TLE1: variants seen among roughly 807,000 people sequenced by gnomAD.
TLE1 encodes the protein TLE family member 1, transcriptional corepressor, also known as transducin-like enhancer protein 1.
A neutral mutation model predicts 89.8 loss-of-function variants in TLE1; 21 were observed. The observed-to-expected ratio is 0.23, with a 90% CI of 0.17 to 0.34. The LOEUF (loss-of-function observed/expected upper bound fraction) is 0.34. Ranked by LOEUF, TLE1 falls within the 10% of genes least tolerant of loss-of-function variation. TLE1 has a pLI of 1.00. For missense variants in TLE1, 795 were observed against 1,031.2 expected, an observed-to-expected ratio of 0.77 and a Z score of 3.14; for synonymous variants, 447 against 407.6, an observed-to-expected ratio of 1.10 and a Z score of -1.16.
Position 81,688,242 on chromosome 9 carries a change from G to C in TLE1, c.-2C>G. ...CGGGTGCCGGCTCTGCGGGAACATC[G>C]CTCTGGCGGCGGCCGGGGCTCTGTT... On this transcript the variant is annotated 5_prime_UTR_variant, in exon 1 of 20. Transcript: ENST00000376499. 1 of 1,586,980 alleles carries C rather than the reference G, an allele frequency of 6.3e-7. No homozygotes were observed. The highest frequency in any genetic ancestry group is 1.4e-5 in the African/African-American group (1 of 72,522).
At chr9:81,589,242 T>A (rs1408917540) in intron 16 of TLE1, among the ~76,000 whole-genome samples, 2 of 152,154 alleles carry the variant, frequency 1.3e-5, no homozygotes, top group Non-Finnish European at 2.9e-5. Context: ...TGAAACGCTG[T>A]TCCTCCTTGA....
intron 6 of TLE1, among the ~76,000 whole-genome samples, chr9:81,644,800 C>T (rs1828616602): frequency 6.6e-6 from 1 of 151,436 alleles, no homozygotes; most frequent in Admixed American, 6.6e-5. Context: ...TTGAGAACAG[C>T]CTGGCCAATA....
At chr9:81,652,395 G>A (rs942764199) in intron 5 of TLE1, 107 bp from the exon 6 acceptor site, 3 of 810,908 alleles carry the variant, frequency 3.7e-6, no homozygotes, top group Non-Finnish European at 5.9e-6. Flanking sequence ...TGAAGTAGAA[G>A]GGTTTAAATG....
intron 16 of TLE1, 80 bp from the exon 17 acceptor site, chr9:81,587,908 G>GTGTGTGTGTGTGTGTGTGTGATCCCGCC: frequency 1.7e-6 from 1 of 601,576 alleles, no homozygotes; most frequent in South Asian, 2.7e-5. Flanking sequence ...GTTTTGGACC[G>GTGTGTGTGTGTGTGTGTGTGATCCCGCC]TGTGTGTGTG....
At chr9:81,679,484 G>A (rs934647782) in intron 4 of TLE1, among the ~76,000 whole-genome samples, 3 of 151,720 alleles carry the variant, frequency 2.0e-5, no homozygotes, top group African/African-American at 7.3e-5. Context: ...TCACTTTTCA[G>A]ATCAAACCAC....
At chr9:81,617,701 C>CA (rs1038676726) in intron 9 of TLE1, among the ~76,000 whole-genome samples, 2 of 151,776 alleles carry the variant, frequency 1.3e-5, no homozygotes, top group Non-Finnish European at 2.9e-5. Flanking sequence ...GACTCTGTCA[C>CA]AAAAAAATAA....
rs548660597 is a variant in TLE1 at position 81,679,792 on chromosome 9, T to C, written c.234+5884A>G. On this transcript the variant is annotated intron_variant, in intron 4 of 19. Coordinates refer to ENST00000376499, the MANE Select transcript of TLE1 (RefSeq NM_005077.5). ...GGAGGGGAGAGGGTAGGAAACGAAA[T>C]CAATCAAAGCTTTGAGGAAAGCCAG... Among the ~76,000 whole-genome samples the C allele has an allele frequency of 1.2e-4, 19 of 152,210 alleles. No homozygotes were observed. The East Asian group carries it at 2.7e-3, about 22-fold the overall frequency.
chr9:81,636,635 C>A (rs1827398440), intron 6 of TLE1, among the ~76,000 whole-genome samples: 3 of 152,138 alleles, frequency 2.0e-5, no homozygotes, highest in Admixed American at 2.0e-4. Flanking sequence ...AGAATGGAGT[C>A]ACCAGAAGAT....
intron 7 of TLE1, 66 bp from the exon 8 acceptor site, chr9:81,633,430 TA>T (rs200133937): frequency 3.2e-5 from 51 of 1,599,170 alleles, no homozygotes; most frequent in Admixed American, 1.8e-4. Flanking sequence ...AGAACAGAAA[TA>T]AAAAAAAGGG....
At chr9:81,659,190 G>C (rs1384681787) in intron 4 of TLE1, among the ~76,000 whole-genome samples, 1 of 152,132 alleles carries the variant, frequency 6.6e-6, no homozygotes, top group Non-Finnish European at 1.5e-5. Context: ...TTACAGGCGT[G>C]AGCCACCGCG....
intron 8 of TLE1, among the ~76,000 whole-genome samples, chr9:81,622,571 T>C (rs1406683716): frequency 6.6e-6 from 1 of 152,238 alleles, no homozygotes; most frequent in Non-Finnish European, 1.5e-5. Context: ...CCTTTAAGAC[T>C]GTCAAGCTTT....
chr9:81,638,412 A>G (rs1827681001), intron 6 of TLE1, among the ~76,000 whole-genome samples: 1 of 152,234 alleles, frequency 6.6e-6, no homozygotes, highest in Admixed American at 6.5e-5. Flanking sequence ...CTAGAAGAGT[A>G]AAACAGCTAT....
Position 81,593,097 on chromosome 9 carries a change from C to G in TLE1, c.1509G>C (p.Gly503=). ...TGTCCCAGACCTTGACGCAGCCCTT[C>G]CCGCCTGTGTACACGTGTCTCGTGG... ...SNPTRHVYTG[G]KGCVKVWDIS... The change falls in exon 15 of 20, where the codon GGG becomes GGC. Residue 503 remains glycine (G), a synonymous_variant. Transcript: ENST00000376499. 6.2e-7 allele frequency: 1 copy of G among 1,614,152 alleles called. No homozygotes were observed. The highest frequency in any genetic ancestry group is 8.5e-7 in the Non-Finnish European group (1 of 1,180,026).
chr9:81,587,987 T>C (rs553456295), intron 16 of TLE1, among the ~76,000 whole-genome samples, 159 bp from the exon 17 acceptor site: 25 of 145,724 alleles, frequency 1.7e-4, no homozygotes, highest in African/African-American at 6.4e-4. Flanking sequence ...CAAACTAACC[T>C]TCCCCTGAGG....
chr9:81,670,962 A>G (rs1019252978), intron 4 of TLE1, among the ~76,000 whole-genome samples: 44 of 151,994 alleles, frequency 2.9e-4, no homozygotes, highest in African/African-American at 1.0e-3. Context: ...TGAGGTCAGG[A>G]GTTCGAGACC....
At chr9:81,584,905 A>T (rs1828140475) in intron 18 of TLE1, among the ~76,000 whole-genome samples, 1 of 152,110 alleles carries the variant, frequency 6.6e-6, no homozygotes, top group East Asian at 1.9e-4. Context: ...CTTAAGTAAA[A>T]TGCCAGTCAC....
chr9:81,683,767 T>C (rs372941954), intron 4 of TLE1, among the ~76,000 whole-genome samples: 1 of 152,288 alleles, frequency 6.6e-6, no homozygotes, highest in Middle Eastern at 3.4e-3. Context: ...AAGCCAATTA[T>C]ACACAGCATA....
chr9:81,585,728 G>A, intron 17 of TLE1, 73 bp from the exon 18 acceptor site: 1 of 1,556,732 alleles, frequency 6.4e-7, no homozygotes, highest in Non-Finnish European at 8.7e-7. Context: ...AATGTGAAAA[G>A]TGGGGAAATA....
chr9:81,688,010 G>A (rs1359158151), intron 1 of TLE1, among the ~76,000 whole-genome samples: 3 of 152,076 alleles, frequency 2.0e-5, no homozygotes, highest in East Asian at 1.9e-4. Context: ...TAGACGTCAA[G>A]TAGGAAGGAG....
Sources: gnomAD v4.1 joint callset for allele counts (sites outside exome capture counted in the v4.1 genomes callset) on GRCh38, gnomAD v4.1.1 for gene constraint, MANE v1.5 for transcripts, NCBI Gene and HGNC (gene_info 2026-07-23, HGNC 2026-07-21) for gene names.